Variants in SLC17A8 observed in about 807,000 individuals in gnomAD.
SLC17A8 encodes the protein solute carrier family 17 member 8, also known as vesicular glutamate transporter 3.
A neutral mutation model predicts 58.0 loss-of-function variants in SLC17A8; 31 were observed. The ratio of observed to expected loss-of-function variants is 0.53; its 90% CI spans 0.40 to 0.72. SLC17A8 has a LOEUF of 0.72. Among genes scored for constraint, SLC17A8 ranks in the 30% least tolerant of loss-of-function variants. The pLI is 0.00. For synonymous variants in SLC17A8, 228 were observed against 249.0 expected (o/e 0.92, Z 0.79); for missense variants, 655 against 727.8 (o/e 0.90, Z 1.15).
In SLC17A8 at chr12:100,396,311, T is replaced by C. The variant is rs376534425; in HGVS notation, c.589-19T>C. Reference sequence around the variant, plus strand: ...AACTACAGTCAAATCAACTAATCTATTTTCAACTCTTCTGCCAGGGTGTGA... The same window carrying C: ...AACTACAGTCAAATCAACTAATCTACTTTCAACTCTTCTGCCAGGGTGTGA... On this transcript the variant is annotated intron_variant, in intron 4 of 11. Transcript: ENST00000323346. 84 of 1,602,290 alleles carry C rather than the reference T, an allele frequency of 5.2e-5. No homozygotes were observed. Among genetic ancestry groups the C allele is most frequent in the Non-Finnish European group, 6.8e-5 (79 of 1,169,386 alleles).
chr12:100,371,508 A>G (rs907392113), intron 1 of SLC17A8, among the ~76,000 whole-genome samples: 5 of 152,148 alleles, frequency 3.3e-5, no homozygotes, highest in African/African-American at 1.2e-4. Context: ...TCCCTTCACC[A>G]GCTGCAGCTG....
rs1952451616 is a variant in SLC17A8, at chr12:100,357,136, A to G, written c.-256A>G. On this transcript the variant is annotated 5_prime_UTR_variant, in exon 1 of 12. Transcript: ENST00000323346. ...TGCTGCAGAGCGTGCAGCTTTTGCA[A>G]GGGACTGAATTCCCAGCCAGACACC... The G allele has an allele frequency of 2.3e-6, 1 of 434,826 alleles. No homozygotes were observed. The highest frequency in any genetic ancestry group is 4.9e-5 in the East Asian group (1 of 20,580). The allele number at this position is 434,826 out of a possible 1,614,324, so 26.9% of individuals were successfully genotyped here.
intron 2 of SLC17A8, among the ~76,000 whole-genome samples, chr12:100,388,501 T>C (rs935549294): frequency 6.6e-6 from 1 of 152,160 alleles, no homozygotes; most frequent in African/African-American, 2.4e-5. Flanking sequence ...TAGTTCCTTT[T>C]TACCATTGAG....
rs1476789489 is a variant in SLC17A8, at chr12:100,390,764, C to CTG, written c.355-236_355-235dup. ...CTCAAGCCAGGAGGCTCAAGCCAGG[C>CTG]TGAGGTCCCACCTCAGCCTCCTAAA... On this transcript the variant is annotated intron_variant, in intron 2 of 11. Coordinates refer to ENST00000323346, the MANE Select transcript of SLC17A8 (RefSeq NM_139319.3). Among the ~76,000 whole-genome samples the CTG allele has an allele frequency of 1.3e-4, 20 of 152,162 alleles. No individual in the cohort carries two copies. In the East Asian group the frequency reaches 3.7e-3, roughly 28 times the overall value.
At chr12:100,379,838 C>T (rs188294108) in intron 1 of SLC17A8, among the ~76,000 whole-genome samples, 2 of 152,170 alleles carry the variant, frequency 1.3e-5, no homozygotes, top group East Asian at 3.9e-4. Context: ...AAAGGATATA[C>T]AACCAAATGG....
chr12:100,404,124 A>G lies in SLC17A8; in HGVS notation c.1140A>G (p.Arg380=). ...AATTGGCTGATTATTTAAGAAGCAG[A>G]CAAATTTTAACCACAACTGCTGTCA... The part of the protein sequence containing the change: ...GGQLADYLRS[R]QILTTTAVRK... The change falls in exon 9 of 12, where the codon AGA becomes AGG. Residue 380 remains arginine, a synonymous_variant. Transcript: ENST00000323346. 1 of 1,614,228 alleles carries G rather than the reference A, an allele frequency of 6.2e-7. No individual in the cohort carries two copies. The highest frequency in any genetic ancestry group is 8.5e-7 in the Non-Finnish European group (1 of 1,180,046).
chr12:100,415,387 T>A (rs1199385900), intron 10 of SLC17A8, among the ~76,000 whole-genome samples: 3 of 150,626 alleles, frequency 2.0e-5, no homozygotes, highest in Non-Finnish European at 4.4e-5. Context: ...TGAGCCAAGA[T>A]TGCACCACTG....
chr12:100,391,723 C>T (rs564938917), intron 3 of SLC17A8, among the ~76,000 whole-genome samples: 1 of 152,284 alleles, frequency 6.6e-6, no homozygotes, highest in African/African-American at 2.4e-5. Context: ...TTCCTGCCCC[C>T]TAACTGGATC....
rs116891884 is a variant in SLC17A8 at position 100,399,548 on chromosome 12, G to A, written c.677-2229G>A. Among the ~76,000 whole-genome samples the A allele has an allele frequency of 4.3e-4, 65 of 152,206 alleles. No homozygotes were observed. In the East Asian group the frequency reaches 0.012, roughly 28 times the overall value. ...CAAGGAACTTACAATCACGGCAGGA[G>A]GCAAAAGGGGAGGCAAGGCACATCT... On this transcript the variant is annotated intron_variant, in intron 5 of 11. Transcript: ENST00000323346.
chr12:100,400,998 CTT>C (rs4015907), intron 5 of SLC17A8, among the ~76,000 whole-genome samples: 8 of 113,090 alleles, frequency 7.1e-5, no homozygotes, highest in South Asian at 3.2e-4. Context: ...CACCCCTCAC[CTT>C]TTTTTTTTTT....
chr12:100,357,156 GACACC>G lies in SLC17A8; in HGVS notation c.-235_-231del. 2.1e-6 allele frequency: 1 copy of G among 478,688 alleles called. No individual in the cohort carries two copies. Among genetic ancestry groups the G allele is most frequent in the East Asian group, 4.1e-5 (1 of 24,672 alleles). The allele number at this position is 478,688 out of a possible 1,614,324, so 29.7% of individuals were successfully genotyped here. ...TTGCAAGGGACTGAATTCCCAGCCA[GACACC>G]CCTTGGACTCTTTTTTGGAGGGGTG... is the stretch of plus-strand genomic sequence containing the variant. On this transcript the variant is annotated 5_prime_UTR_variant, in exon 1 of 12. Transcript: ENST00000323346.
At chr12:100,395,772 C>G (rs1301023489) in intron 4 of SLC17A8, among the ~76,000 whole-genome samples, 2 of 152,084 alleles carry the variant, frequency 1.3e-5, no homozygotes, top group African/African-American at 4.8e-5. Context: ...ACCACCATGC[C>G]CAACTAGTTT....
chr12:100,393,499 C>T lies in SLC17A8; in HGVS notation c.588+16C>T, dbSNP rs1160618918. 3 of 1,584,570 alleles carry T rather than the reference C, an allele frequency of 1.9e-6. No homozygotes were observed. Among genetic ancestry groups the T allele is most frequent in the African/African-American group, 2.7e-5 (2 of 74,294 alleles). The stretch of plus-strand genomic sequence containing the variant: ...TTTAGTGGAGGTAGGAGATACTTTC[C>T]TTACAGTTTTTGATATTGCTAGAGA... On this transcript the variant is annotated intron_variant, in intron 4 of 11. Transcript: ENST00000323346.
At chr12:100,411,581 C>T (rs1202553780) in intron 9 of SLC17A8, among the ~76,000 whole-genome samples, 1 of 150,178 alleles carries the variant, frequency 6.7e-6, no homozygotes, top group Non-Finnish European at 1.5e-5. Flanking sequence ...GTGGAGATGT[C>T]TGGAATCAGC....
chr12:100,391,022 C>A lies in SLC17A8; in HGVS notation c.376C>A (p.Pro126Thr). The A allele has an allele frequency of 6.2e-7, 1 of 1,612,414 alleles. No individual in the cohort carries two copies. Among genetic ancestry groups the A allele is most frequent in the Non-Finnish European group, 8.5e-7 (1 of 1,178,460 alleles). ...CCAGACAGCACAGTTTAACTGGGATCCAGAAACAGTGGGCCTTATCCATGG... is the reference window on the plus strand; with the variant it reads ...CCAGACAGCACAGTTTAACTGGGATACAGAAACAGTGGGCCTTATCCATGG... ...EIQTAQFNWD[P>T]ETVGLIHGSF... The change falls in exon 3 of 12, where the codon CCA becomes ACA. Residue 126 changes from proline (P) to threonine (T), a missense_variant. Coordinates refer to ENST00000323346, the MANE Select transcript of SLC17A8 (RefSeq NM_139319.3).
At chr12:100,404,866 TC>T (rs1319099153) in intron 9 of SLC17A8, among the ~76,000 whole-genome samples, 1 of 152,180 alleles carries the variant, frequency 6.6e-6, no homozygotes, top group Non-Finnish European at 1.5e-5. Context: ...AAGTAGCAGA[TC>T]CCTGCAAGGT....
chr12:100,385,131 TGTGA>T (rs1952664341), intron 2 of SLC17A8, among the ~76,000 whole-genome samples: 1 of 150,952 alleles, frequency 6.6e-6, no homozygotes, highest in South Asian at 2.1e-4. Flanking sequence ...TGTGTGTGTG[TGTGA>T]GAGAGAGAGA....
intron 1 of SLC17A8, among the ~76,000 whole-genome samples, chr12:100,378,785 T>C (rs1952612139): frequency 6.6e-6 from 1 of 152,006 alleles, no homozygotes; most frequent in African/African-American, 2.4e-5. Context: ...GGTAGGGAAA[T>C]GGTTAGGTTC....
chr12:100,372,717 TA>T (rs1254197316), intron 1 of SLC17A8, among the ~76,000 whole-genome samples: 1 of 152,172 alleles, frequency 6.6e-6, no homozygotes, highest in Non-Finnish European at 1.5e-5. Flanking sequence ...TAAATTGATT[TA>T]AAAATACTGT....
Sources: allele counts gnomAD v4.1 joint callset (sites outside exome capture counted in the v4.1 genomes callset), GRCh38; gene constraint gnomAD v4.1.1; transcripts MANE v1.5; gene names NCBI Gene and HGNC (gene_info 2026-07-23, HGNC 2026-07-21).